Variants in GNA15 observed in about 807,000 individuals in gnomAD.
The protein encoded by GNA15 is G protein subunit alpha 15.
A neutral mutation model predicts 40.1 loss-of-function variants in GNA15; 23 were observed. That is an observed-to-expected ratio of 0.57 (90% CI 0.41 to 0.81). GNA15 has a LOEUF of 0.81. GNA15 is among the 40% of genes least tolerant of loss of function. The pLI is 0.00. For missense variants in GNA15, 522 were observed against 515.8 expected, an observed-to-expected ratio of 1.01 and a Z score of -0.12; for synonymous variants, 226 against 210.4, an observed-to-expected ratio of 1.07 and a Z score of -0.64.
At position 3,136,347 on chromosome 19, in the gene GNA15, C is replaced by G; in HGVS notation, c.-104C>G. On this transcript the variant is annotated 5_prime_UTR_variant, in exon 1 of 7. Coordinates refer to ENST00000262958, the MANE Select transcript of GNA15 (RefSeq NM_002068.4). The surrounding 1 kb of genome is among the most constrained non-coding windows in gnomAD (Gnocchi z 4.9). ...AGGAAAAGGCAGCCTCCCTGCGCAC[C>G]CGGTTGCCCGGAGCCCTCTCCAGGG... 2 of 1,200,950 alleles carry G rather than the reference C, an allele frequency of 1.7e-6. No homozygotes were observed. Among genetic ancestry groups the G allele is most frequent in the Non-Finnish European group, 2.3e-6 (2 of 878,984 alleles). 74.4% of individuals were successfully genotyped at this position (1,200,950 alleles called of 1,614,324 possible). A position where few individuals can be genotyped will look rare whatever the true frequency, so the allele number is the denominator to read the frequency against.
chr19:3,155,723 C>G lies in GNA15; in HGVS notation c.615-100C>G. 7.4e-7 allele frequency: 1 copy of G among 1,348,758 alleles called. No individual in the cohort carries two copies. The highest frequency in any genetic ancestry group is 1.0e-6 in the Non-Finnish European group (1 of 985,142). The allele number at this position is 1,348,758 out of a possible 1,614,324, so 83.5% of individuals were successfully genotyped here. ...AGAGGCTAGCACCTATTCTTGCTGT[C>G]GCTATTATGGATCTTGGCATATCCC... On this transcript the variant is annotated intron_variant, in intron 4 of 6. Coordinates refer to ENST00000262958, the MANE Select transcript of GNA15 (RefSeq NM_002068.4). The surrounding 1 kb of genome is among the most constrained non-coding windows in gnomAD (Gnocchi z 5.6).
intron 4 of GNA15, among the ~76,000 whole-genome samples, chr19:3,152,618 G>T (rs1914905679): frequency 6.6e-6 from 1 of 152,166 alleles, no homozygotes; most frequent in Non-Finnish European, 1.5e-5. Context: ...GTCAGGAAAG[G>T]AAAGGTCAAG....
At position 3,151,924 on chromosome 19, in the gene GNA15, G is replaced by A. The variant is rs1159602546; in HGVS notation, c.614+89G>A. On this transcript the variant is annotated intron_variant, in intron 4 of 6. Transcript: ENST00000262958. This position sits in a 1 kb window ranked among gnomAD's most constrained non-coding sequence, Gnocchi z 5.0. ...AGCTGGGGCCCTGAGGGATGAGTAG[G>A]AGTTTCTTAGGCCCAGCCTTCAAGG... The A allele has an allele frequency of 2.1e-6, 2 of 957,614 alleles. No individual in the cohort carries two copies. Among genetic ancestry groups the A allele is most frequent in the Admixed American group, 2.9e-5 (1 of 34,316 alleles). The allele number at this position is 957,614 out of a possible 1,614,324, so 59.3% of individuals were successfully genotyped here.
At chr19:3,140,305 G>A (rs1914551817) in intron 1 of GNA15, among the ~76,000 whole-genome samples, 1 of 152,058 alleles carries the variant, frequency 6.6e-6, no homozygotes, top group African/African-American at 2.4e-5. Flanking sequence ...ACTGTCTGTA[G>A]GATCTGCAGT....
At position 3,148,681 on chromosome 19, in the gene GNA15, G is replaced by C; in HGVS notation, c.236G>C (p.Arg79Pro). 6.3e-7 allele frequency: 1 copy of C among 1,596,012 alleles called. No homozygotes were observed. Among genetic ancestry groups the C allele is most frequent in the Non-Finnish European group, 8.5e-7 (1 of 1,171,722 alleles). ...TCGGAGGAGGAGCGCAAGGGCTTCC[G>C]GCCCCTGGTCTACCAGAACATCTTC... ...GYSEEERKGF[R>P]PLVYQNIFVS... Residue 79 changes from arginine (R) to proline (P), a missense_variant, in exon 2 of 7, where the codon CGG becomes CCG. Arg to Pro is a moderately radical substitution (Grantham distance 103). Coordinates refer to ENST00000262958, the MANE Select transcript of GNA15 (RefSeq NM_002068.4).
chr19:3,141,296 A>G (rs1914569985), intron 1 of GNA15, among the ~76,000 whole-genome samples: 1 of 152,194 alleles, frequency 6.6e-6, no homozygotes, highest in African/African-American at 2.4e-5. Flanking sequence ...TCTCTAAACA[A>G]AAACAAAAAA....
intron 1 of GNA15, among the ~76,000 whole-genome samples, chr19:3,140,404 A>C (rs1914553233): frequency 6.6e-6 from 1 of 151,970 alleles, no homozygotes; most frequent in South Asian, 2.1e-4. Context: ...TATCACTTTT[A>C]GTGCTCTTTC....
At chr19:3,138,189 C>T (rs1914494760) in intron 1 of GNA15, among the ~76,000 whole-genome samples, 1 of 152,070 alleles carries the variant, frequency 6.6e-6, no homozygotes, top group Non-Finnish European at 1.5e-5. Context: ...TCGCTTGAAA[C>T]CAGGAGGTGG....
At chr19:3,147,551 A>AAT (rs751646316) in intron 1 of GNA15, among the ~76,000 whole-genome samples, 1 of 145,816 alleles carries the variant, frequency 6.9e-6, no homozygotes, top group Admixed American at 6.8e-5. Flanking sequence ...TCTGTCTAAA[A>AAT]AAAAAGAAAA....
chr19:3,163,445 G>T lies in GNA15; in HGVS notation c.*426G>T. On this transcript the variant is annotated 3_prime_UTR_variant, in exon 7 of 7. Transcript: ENST00000262958. ...GTAGAGCCTTCAGGCGCCTTCGGGC[G>T]TGGACTCTGGCGCACTCTAGTGGAC... 1 of 221,154 alleles carries T rather than the reference G, an allele frequency of 4.5e-6. No individual in the cohort carries two copies. The highest frequency in any genetic ancestry group is 9.2e-6 in the Non-Finnish European group (1 of 108,472). 13.7% of individuals were successfully genotyped at this position (221,154 alleles called of 1,614,324 possible). A position where few individuals can be genotyped will look rare whatever the true frequency, so the allele number is the denominator to read the frequency against.
chr19:3,144,153 C>A (rs1023027404), intron 1 of GNA15, among the ~76,000 whole-genome samples: 1 of 151,480 alleles, frequency 6.6e-6, no homozygotes, highest in African/African-American at 2.4e-5. Context: ...GAGTTGTCCC[C>A]CTCTCGTGGT....
Position 3,147,558 on chromosome 19 carries a change from AAAAAAAG to A in GNA15, c.146-1019_146-1013del, listed in dbSNP as rs374347080. Among the ~76,000 whole-genome samples, 11 of 30,030 alleles carry A rather than the reference AAAAAAAG, an allele frequency of 3.7e-4. 1 individual carries two copies. Among genetic ancestry groups the A allele is most frequent in the African/African-American group, 5.8e-4 (5 of 8,616 alleles). The allele number at this position is 30,030 out of a possible 152,430, so 19.7% of individuals were successfully genotyped here. The stretch of plus-strand genomic sequence containing the variant: ...ACAGAGAATCTGTCTAAAAAAAAAG[AAAAAAAG>A]AAAAAAGAAAAAAACCCATAAGAAC... On this transcript the variant is annotated intron_variant, in intron 1 of 6. Transcript: ENST00000262958.
At position 3,136,977 on chromosome 19, in the gene GNA15, G is replaced by A. The variant is rs1914473307; in HGVS notation, c.145+382G>A. ...TCTGGCCAGCCCACCCGTAAGGGAG[G>A]GGCCGGCTCCAGCCTCTCCTTCACC... On this transcript the variant is annotated intron_variant, in intron 1 of 6. Coordinates refer to ENST00000262958, the MANE Select transcript of GNA15 (RefSeq NM_002068.4). The surrounding 1 kb of genome is among the most constrained non-coding windows in gnomAD (Gnocchi z 4.9). 6.6e-6 allele frequency among the ~76,000 whole-genome samples: 1 copy of A among 152,202 alleles called. No homozygotes were observed. The highest frequency in any genetic ancestry group is 2.4e-5 in the African/African-American group (1 of 41,462).
rs757375947 is a variant in GNA15 at position 3,148,717 on chromosome 19, G to C, written c.272G>C (p.Arg91Pro). 8 of 1,603,454 alleles carry C rather than the reference G, an allele frequency of 5.0e-6. No individual in the cohort carries two copies. The highest frequency in any genetic ancestry group is 6.8e-6 in the Non-Finnish European group (8 of 1,175,512). Residue 91 changes from arginine to proline, a missense_variant, in exon 2 of 7, where the codon CGG (arginine) becomes CCG (proline). Coordinates refer to ENST00000262958, the MANE Select transcript of GNA15 (RefSeq NM_002068.4). ...LVYQNIFVSM[R>P]AMIEAMERLQ... Reference sequence around the variant, plus strand: ...TACCAGAACATCTTCGTGTCCATGCGGGCCATGATCGAGGCCATGGAGCGG... The same window carrying C: ...TACCAGAACATCTTCGTGTCCATGCCGGCCATGATCGAGGCCATGGAGCGG...
chr19:3,152,936 A>G (rs959492067), intron 4 of GNA15, among the ~76,000 whole-genome samples: 2 of 152,136 alleles, frequency 1.3e-5, no homozygotes, highest in African/African-American at 4.8e-5. Flanking sequence ...CTGCTTCTTT[A>G]GTGAATAGCT....
At chr19:3,150,355 T>C in intron 3 of GNA15, 70 bp downstream of exon 3, 1 of 1,339,194 alleles carries the variant, frequency 7.5e-7, no homozygotes, top group Admixed American at 2.2e-5. Context: ...CTGGCTGGCT[T>C]CCTGCAGCAG....
At position 3,151,803 on chromosome 19, in the gene GNA15, G is replaced by A. The variant is rs1159934957; in HGVS notation, c.582G>A (p.Glu194=). 3 of 1,612,390 alleles carry A rather than the reference G, an allele frequency of 1.9e-6. No homozygotes were observed. The highest frequency in any genetic ancestry group is 2.2e-5 in the East Asian group (1 of 44,744). Residue 194 remains glutamate (E), a synonymous_variant, in exon 4 of 7, where the codon GAG becomes GAA. Coordinates refer to ENST00000262958, the MANE Select transcript of GNA15 (RefSeq NM_002068.4). This position sits in a 1 kb window ranked among gnomAD's most constrained non-coding sequence, Gnocchi z 5.0. ...RSRMPTTGIN[E]YCFSVQKTNL... ...GCATGCCCACCACTGGCATCAACGA[G>A]TACTGCTTCTCCGTGCAGAAAACCA...
intron 1 of GNA15, among the ~76,000 whole-genome samples, chr19:3,142,811 G>A (rs1183235827): frequency 6.6e-6 from 1 of 152,152 alleles, no homozygotes; most frequent in Non-Finnish European, 1.5e-5. Flanking sequence ...GGAGGAGGTT[G>A]CGGTGTGCTG....
intron 1 of GNA15, chr19:3,143,240 C>T (rs570495189): frequency 2.6e-5 from 4 of 152,214 alleles, no homozygotes; most frequent in Non-Finnish European, 2.9e-5. Context: ...ACTGGGGATC[C>T]GTAGAGTCTC....
Sources: allele counts gnomAD v4.1 joint callset (sites outside exome capture counted in the v4.1 genomes callset), GRCh38; gene constraint gnomAD v4.1.1; non-coding constraint Gnocchi (gnomAD v3.1); transcripts MANE v1.5; gene names NCBI Gene and HGNC (gene_info 2026-07-23, HGNC 2026-07-21).